AGAP1: variants seen among roughly 807,000 people sequenced by gnomAD.
AGAP1 encodes the protein arf-GAP with GTPase, ANK repeat and PH domain-containing protein 1.
AGAP1 carries 29 observed loss-of-function variants against 105.3 expected under a neutral mutation model. The ratio of observed to expected loss-of-function variants is 0.28; its 90% CI spans 0.21 to 0.38. AGAP1 has a LOEUF of 0.38. AGAP1 is among the 10% of genes least tolerant of loss of function. The probability of loss-of-function intolerance (pLI) is 1.00; values close to 1 mark genes in which losing one functional copy is unlikely to be tolerated. For missense variants in AGAP1, 998 were observed against 1,165.1 expected (o/e 0.86, Z 2.09); for synonymous variants, 509 against 485.9 (o/e 1.05, Z -0.63).
Position 236,073,810 on chromosome 2 carries a change from C to T in AGAP1, c.2114+24529C>T, listed in dbSNP as rs2058566847. Among the ~76,000 whole-genome samples the T allele has an allele frequency of 6.6e-6, 1 of 152,232 alleles. No individual in the cohort carries two copies. Among genetic ancestry groups the T allele is most frequent in the Non-Finnish European group, 1.5e-5 (1 of 68,010 alleles). On this transcript the variant is annotated intron_variant, in intron 16 of 17. Transcript: ENST00000304032. This position sits in a 1 kb window ranked among gnomAD's most constrained non-coding sequence, Gnocchi z 5.4. ...GGCTTTACCCCACCGTCTCCCGTGG[C>T]CTTCTCAACACACTTTAGAATCTGC...
Position 235,631,571 on chromosome 2 carries a change from A to G in AGAP1, c.164-77608A>G, listed in dbSNP as rs1234439421. On this transcript the variant is annotated intron_variant, in intron 1 of 17. Coordinates refer to ENST00000304032, the MANE Select transcript of AGAP1 (RefSeq NM_001037131.3). This position sits in a 1 kb window ranked among gnomAD's most constrained non-coding sequence, Gnocchi z 5.4. ...ACACTGAGGGCACCCTTCCTAGAGG[A>G]CCTATTTCCTCTTGGTGCTCTTCTG... 6.6e-6 allele frequency among the ~76,000 whole-genome samples: 1 copy of G among 152,114 alleles called. No individual in the cohort carries two copies. Among genetic ancestry groups the G allele is most frequent in the Non-Finnish European group, 1.5e-5 (1 of 68,016 alleles).
At position 235,609,287 on chromosome 2, in the gene AGAP1, A is replaced by C. The variant is rs555307047; in HGVS notation, c.164-99892A>C. Among the ~76,000 whole-genome samples the C allele has an allele frequency of 6.6e-6, 1 of 152,310 alleles. No individual in the cohort carries two copies. The highest frequency in any genetic ancestry group is 1.9e-4 in the East Asian group (1 of 5,176). The stretch of plus-strand genomic sequence containing the variant: ...GCAGATGTGGCCACTGGTGCTTGGA[A>C]GAGAACACAATGAAATTGAGTCCCT... On this transcript the variant is annotated intron_variant, in intron 1 of 17. Transcript: ENST00000304032. The surrounding 1 kb of genome is among the most constrained non-coding windows in gnomAD (Gnocchi z 5.1).
At chr2:235,937,155 G>T (rs1264725704) in intron 12 of AGAP1, among the ~76,000 whole-genome samples, 2 of 152,134 alleles carry the variant, frequency 1.3e-5, no homozygotes, top group Non-Finnish European at 2.9e-5. Context: ...CTTCAGCTTA[G>T]CTCAGTGTTA....
intron 1 of AGAP1, among the ~76,000 whole-genome samples, chr2:235,543,410 G>A (rs556036749): frequency 6.6e-5 from 10 of 152,304 alleles, no homozygotes; most frequent in Admixed American, 6.5e-4. Flanking sequence ...TGGCTGATGG[G>A]CTGTGTCCCC....
At chr2:235,576,152 G>C (rs968605867) in intron 1 of AGAP1, among the ~76,000 whole-genome samples, 2 of 152,328 alleles carry the variant, frequency 1.3e-5, no homozygotes, top group East Asian at 1.9e-4. Context: ...AGGGCACCAG[G>C]CAGGAGGCTG....
chr2:235,598,232 C>G (rs995174583), intron 1 of AGAP1, among the ~76,000 whole-genome samples: 2 of 152,156 alleles, frequency 1.3e-5, no homozygotes, highest in African/African-American at 4.8e-5. Context: ...TGAGTGGCCC[C>G]GCGATGGAAC....
In AGAP1 at chr2:235,927,640, C is replaced by G. The variant is rs189522519; in HGVS notation, c.1325-3125C>G. 2.0e-5 allele frequency among the ~76,000 whole-genome samples: 3 copies of G among 152,204 alleles called. No individual in the cohort carries two copies. Among genetic ancestry groups the G allele is most frequent in the African/African-American group, 7.2e-5 (3 of 41,446 alleles). The stretch of plus-strand genomic sequence containing the variant: ...GTTGAGATTGACTTGGCTCTCCTTA[C>G]TGTGTGTTGATACTTACTTCTGGAG... On this transcript the variant is annotated intron_variant, in intron 11 of 17. Transcript: ENST00000304032. The surrounding 1 kb of genome is among the most constrained non-coding windows in gnomAD (Gnocchi z 4.4).
At chr2:235,512,190 T>A (rs1942174691) in intron 1 of AGAP1, among the ~76,000 whole-genome samples, 1 of 152,268 alleles carries the variant, frequency 6.6e-6, no homozygotes, top group African/African-American at 2.4e-5. Context: ...AGCAGAATGC[T>A]GGGCAGATGG....
chr2:235,667,161 G>T (rs567744100), intron 1 of AGAP1, among the ~76,000 whole-genome samples: 3 of 152,146 alleles, frequency 2.0e-5, no homozygotes, highest in Admixed American at 2.0e-4. Context: ...TCTCTCCCTC[G>T]CTGTCTTTCT....
At chr2:235,808,750 T>C (rs938287395) in intron 9 of AGAP1, among the ~76,000 whole-genome samples, 2 of 152,158 alleles carry the variant, frequency 1.3e-5, no homozygotes, top group Non-Finnish European at 2.9e-5. Context: ...GCCGCAAATA[T>C]ATGGATTGGC....
Position 235,705,164 on chromosome 2 carries a change from A to G in AGAP1, c.164-4015A>G, listed in dbSNP as rs542952090. ...TGGCTAATTTTTGTATTTTTAGTAGAGACGAGGTTTCGCCATGTTGGCCAG... is the reference window on the plus strand; with the variant it reads ...TGGCTAATTTTTGTATTTTTAGTAGGGACGAGGTTTCGCCATGTTGGCCAG... On this transcript the variant is annotated intron_variant, in intron 1 of 17. Transcript: ENST00000304032. This position sits in a 1 kb window ranked among gnomAD's most constrained non-coding sequence, Gnocchi z 4.9. Among the ~76,000 whole-genome samples the G allele has an allele frequency of 5.3e-5, 8 of 151,598 alleles. No individual in the cohort carries two copies. The highest frequency in any genetic ancestry group is 1.9e-4 in the African/African-American group (8 of 41,380).
intron 13 of AGAP1, among the ~76,000 whole-genome samples, chr2:236,022,121 A>G (rs537113107): frequency 3.3e-4 from 50 of 151,836 alleles, no homozygotes; most frequent in Non-Finnish European, 6.2e-4. Context: ...AAAGCTTTCA[A>G]ATGGAGTTTC....
At chr2:235,885,932 T>C (rs1395273435) in intron 10 of AGAP1, among the ~76,000 whole-genome samples, 1 of 152,208 alleles carries the variant, frequency 6.6e-6, no homozygotes, top group South Asian at 2.1e-4. Flanking sequence ...TTTTGGAATA[T>C]AGTCAGACTG....
intron 10 of AGAP1, among the ~76,000 whole-genome samples, chr2:235,894,640 C>CACATACACAG (rs2050718209): frequency 6.8e-6 from 1 of 147,556 alleles, no homozygotes; most frequent in South Asian, 2.2e-4. Flanking sequence ...CATGTACACA[C>CACATACACAG]ACACACACAG....
chr2:235,547,483 A>G (rs1368662499), intron 1 of AGAP1, among the ~76,000 whole-genome samples: 1 of 150,912 alleles, frequency 6.6e-6, no homozygotes, highest in Non-Finnish European at 1.5e-5. Flanking sequence ...CTTAGCCTCC[A>G]GAGTAGCTGG....
At position 236,089,593 on chromosome 2, in the gene AGAP1, C is replaced by T. The variant is rs1446490661; in HGVS notation, c.2115-30599C>T. ...TGCTCACCCCGAAGTCCTTCTTTGG[C>T]ACTGGAGAACAAAGAAGAGTTTGCA... On this transcript the variant is annotated intron_variant, in intron 16 of 17. Coordinates refer to ENST00000304032, the MANE Select transcript of AGAP1 (RefSeq NM_001037131.3). This position sits in a 1 kb window ranked among gnomAD's most constrained non-coding sequence, Gnocchi z 5.6. Among the ~76,000 whole-genome samples, 1 of 152,176 alleles carries T rather than the reference C, an allele frequency of 6.6e-6. No homozygotes were observed. The highest frequency in any genetic ancestry group is 1.5e-5 in the Non-Finnish European group (1 of 68,032).
intron 10 of AGAP1, among the ~76,000 whole-genome samples, chr2:235,907,651 C>T (rs1186039024): frequency 6.6e-6 from 1 of 152,082 alleles, no homozygotes; most frequent in African/African-American, 2.4e-5. Context: ...TCTCTGTATT[C>T]ATGGGGGATT....
At chr2:235,695,202 T>C (rs1326978743) in intron 1 of AGAP1, among the ~76,000 whole-genome samples, 1 of 152,222 alleles carries the variant, frequency 6.6e-6, no homozygotes, top group Non-Finnish European at 1.5e-5. Flanking sequence ...GGGTTTCAGC[T>C]TGATCACCAT....
chr2:235,591,263 G>A (rs905138614), intron 1 of AGAP1, among the ~76,000 whole-genome samples: 1 of 152,172 alleles, frequency 6.6e-6, no homozygotes, highest in African/African-American at 2.4e-5. Flanking sequence ...TGATGCATCC[G>A]CCTCAGCCTC....
Sources: allele counts gnomAD v4.1 joint callset (sites outside exome capture counted in the v4.1 genomes callset), GRCh38; gene constraint gnomAD v4.1.1; non-coding constraint Gnocchi (gnomAD v3.1); transcripts MANE v1.5; gene names NCBI Gene and HGNC (gene_info 2026-07-23, HGNC 2026-07-21).